ZBTB7C: variants seen among roughly 807,000 people sequenced by gnomAD.
ZBTB7C encodes the protein zinc finger and BTB domain containing 7C.
In ZBTB7C, 8 loss-of-function variants were observed where a neutral mutation model predicts 25.7. The observed-to-expected ratio is 0.31, with a 90% CI of 0.18 to 0.56. The LOEUF is 0.56. Among genes scored for constraint, ZBTB7C ranks in the 20% least tolerant of loss-of-function variants. The pLI is 0.91. For missense variants in ZBTB7C, 824 were observed against 855.2 expected (o/e 0.96, Z 0.46); for synonymous variants, 394 against 369.0 (o/e 1.07, Z -0.78).
At chr18:48,342,073 C>T (rs1199896199) in intron 1 of ZBTB7C, among the ~76,000 whole-genome samples, 1 of 152,186 alleles carries the variant, frequency 6.6e-6, no homozygotes, top group African/African-American at 2.4e-5. Flanking sequence ...AGCTGGGACC[C>T]CTCCCCCGAC....
At position 48,281,291 on chromosome 18, in the gene ZBTB7C, C is replaced by A. The variant is rs542183518; in HGVS notation, c.-79+56883G>T. 1.4e-3 allele frequency among the ~76,000 whole-genome samples: 206 copies of A among 152,200 alleles called. 2 individuals carry two copies. Among genetic ancestry groups the A allele is most frequent in the Non-Finnish European group, 1.6e-3 (108 of 68,006 alleles). ...GCTGAAACTGGATCCCTTCCTTAAA[C>A]CTCATACAAAAATTAATTCAAGATG... On this transcript the variant is annotated intron_variant, in intron 2 of 4. Coordinates refer to ENST00000590800, the MANE Select transcript of ZBTB7C (RefSeq NM_001318841.2).
At chr18:48,044,599 T>C (rs2036394134) in intron 3 of ZBTB7C, among the ~76,000 whole-genome samples, 2 of 152,242 alleles carry the variant, frequency 1.3e-5, no homozygotes, top group Admixed American at 1.3e-4. Flanking sequence ...TAGTTTTGGA[T>C]GCTCAGAGTC....
chr18:48,033,765 T>C (rs1477985371), intron 4 of ZBTB7C, among the ~76,000 whole-genome samples: 2 of 152,200 alleles, frequency 1.3e-5, no homozygotes, highest in Non-Finnish European at 2.9e-5. Flanking sequence ...AAAGAGGGAA[T>C]GGTGTTCTAG....
At position 48,027,260 on chromosome 18, in the gene ZBTB7C, C is replaced by G. The variant is rs892415430; in HGVS notation, c.*2000G>C. The G allele has an allele frequency of 2.0e-5, 3 of 152,008 alleles. No individual in the cohort carries two copies. Among genetic ancestry groups the G allele is most frequent in the African/African-American group, 7.3e-5 (3 of 41,374 alleles). 9.4% of individuals were successfully genotyped at this position (152,008 alleles called of 1,614,324 possible). A position where few individuals can be genotyped will look rare whatever the true frequency, so the allele number is the denominator to read the frequency against. ...TGCAGCCAAGAAAAAACAGAAAGAA[C>G]TAACCAGTCATCTGAAAAATTGAGT... On this transcript the variant is annotated 3_prime_UTR_variant, in exon 5 of 5. Transcript: ENST00000590800.
At chr18:48,338,921 G>T (rs920690595) in intron 1 of ZBTB7C, among the ~76,000 whole-genome samples, 53 of 151,878 alleles carry the variant, frequency 3.5e-4, no homozygotes, top group African/African-American at 1.2e-3. Context: ...TGGGGGGGGG[G>T]GGTCCAGGTA....
At chr18:48,184,961 A>C (rs2042021157) in intron 3 of ZBTB7C, among the ~76,000 whole-genome samples, 1 of 152,190 alleles carries the variant, frequency 6.6e-6, no homozygotes, top group South Asian at 2.1e-4. Context: ...TGAAAAATTC[A>C]TGCAGCCATT....
rs185727111 is a variant in ZBTB7C, at chr18:48,133,664, C to G, written c.-17+52270G>C. 2.0e-3 allele frequency among the ~76,000 whole-genome samples: 300 copies of G among 147,112 alleles called. 3 individuals are homozygous for G. Among genetic ancestry groups the G allele is most frequent in the African/African-American group, 6.0e-3 (240 of 39,820 alleles). On this transcript the variant is annotated intron_variant, in intron 3 of 4. Transcript: ENST00000590800. ...AAGTTAAAAATCAAACAAAAATTAA[C>G]AAGCACACACACACAAGATGGAAAA...
chr18:48,221,258 T>G (rs1476627978), intron 2 of ZBTB7C, among the ~76,000 whole-genome samples: 1 of 143,060 alleles, frequency 7.0e-6, no homozygotes, highest in African/African-American at 2.7e-5. Flanking sequence ...TCTATAATGT[T>G]CTAGACTCCC....
rs537486827 is a variant in ZBTB7C, at chr18:48,204,882, C to T, written c.-78-18887G>A. 3.5e-4 allele frequency among the ~76,000 whole-genome samples: 53 copies of T among 152,314 alleles called. 1 individual carries two copies. The highest frequency in any genetic ancestry group is 1.3e-3 in the African/African-American group (53 of 41,578). Reference sequence around the variant, plus strand: ...GTGTGTACATTTAGCCTGCTTTGGGCTTACTGGCAATTCTCATTTGGCTGC... The same window carrying T: ...GTGTGTACATTTAGCCTGCTTTGGGTTTACTGGCAATTCTCATTTGGCTGC... On this transcript the variant is annotated intron_variant, in intron 2 of 4. Transcript: ENST00000590800.
At position 48,279,667 on chromosome 18, in the gene ZBTB7C, C is replaced by T. The variant is rs373323091; in HGVS notation, c.-79+58507G>A. Among the ~76,000 whole-genome samples, 22 of 152,330 alleles carry T rather than the reference C, an allele frequency of 1.4e-4. No homozygotes were observed. In the East Asian group the frequency reaches 2.7e-3, roughly 19 times the overall value. On this transcript the variant is annotated intron_variant, in intron 2 of 4. Coordinates refer to ENST00000590800, the MANE Select transcript of ZBTB7C (RefSeq NM_001318841.2). Reference sequence around the variant, plus strand: ...GCTGATACTAAAATGAAGGCACCCCCAGTCTTAAGCCTCAGGCAGCTCCCC... The same window carrying T: ...GCTGATACTAAAATGAAGGCACCCCTAGTCTTAAGCCTCAGGCAGCTCCCC...
intron 4 of ZBTB7C, among the ~76,000 whole-genome samples, chr18:48,036,893 T>C (rs574194935): frequency 6.6e-6 from 1 of 152,318 alleles, no homozygotes; most frequent in East Asian, 1.9e-4. Flanking sequence ...AACCTCAACC[T>C]GGACAGACCA....
chr18:48,221,326 C>T (rs1446685363), intron 2 of ZBTB7C, among the ~76,000 whole-genome samples: 1 of 147,648 alleles, frequency 6.8e-6, no homozygotes, highest in Non-Finnish European at 1.5e-5. Context: ...CTGTCCTAGT[C>T]TCCTCTATGC....
chr18:48,158,279 G>C lies in ZBTB7C; in HGVS notation c.-17+27655C>G, dbSNP rs144530713. Among the ~76,000 whole-genome samples the C allele has an allele frequency of 1.9e-3, 288 of 152,302 alleles. 3 individuals carry two copies. Among genetic ancestry groups the C allele is most frequent in the African/African-American group, 6.6e-3 (274 of 41,562 alleles). Reference sequence around the variant, plus strand: ...GTGATTTGCTTTTGGGCAGGGCTGCGAAGATGTCAGGGAAACAAGTTACCT... The same window carrying C: ...GTGATTTGCTTTTGGGCAGGGCTGCCAAGATGTCAGGGAAACAAGTTACCT... On this transcript the variant is annotated intron_variant, in intron 3 of 4. Transcript: ENST00000590800.
intron 1 of ZBTB7C, among the ~76,000 whole-genome samples, chr18:48,342,889 T>A (rs1357231116): frequency 6.6e-6 from 1 of 152,086 alleles, no homozygotes; most frequent in Non-Finnish European, 1.5e-5. Flanking sequence ...CAAGCAGATA[T>A]AAAATAAGTT....
chr18:48,368,323 C>G (rs538111738), intron 1 of ZBTB7C, among the ~76,000 whole-genome samples: 1 of 150,014 alleles, frequency 6.7e-6, no homozygotes, highest in South Asian at 2.1e-4. Context: ...ACACAAAACT[C>G]AATGATGAGC....
At chr18:48,161,193 A>G (rs909845084) in intron 3 of ZBTB7C, among the ~76,000 whole-genome samples, 34 of 151,766 alleles carry the variant, frequency 2.2e-4, no homozygotes, top group Non-Finnish European at 4.3e-4. Context: ...GGGCTGACTC[A>G]AGGTCTCCTT....
intron 3 of ZBTB7C, among the ~76,000 whole-genome samples, chr18:48,123,012 T>C (rs955052893): frequency 1.3e-5 from 2 of 152,196 alleles, no homozygotes; most frequent in South Asian, 2.1e-4. Context: ...GAACTTGTCC[T>C]TGGGGCTCTG....
intron 3 of ZBTB7C, among the ~76,000 whole-genome samples, chr18:48,177,260 C>G (rs1235260844): frequency 6.6e-6 from 1 of 152,168 alleles, no homozygotes; most frequent in African/African-American, 2.4e-5. Flanking sequence ...GCCTCAGCTT[C>G]TAGAACTCAG....
intron 3 of ZBTB7C, among the ~76,000 whole-genome samples, chr18:48,135,555 T>G (rs1048228433): frequency 7.9e-5 from 12 of 152,172 alleles, no homozygotes; most frequent in Non-Finnish European, 1.3e-4. Flanking sequence ...TCTTTTTCTA[T>G]GCAGCCCAGG....
Sources: allele counts gnomAD v4.1 joint callset (sites outside exome capture counted in the v4.1 genomes callset), GRCh38; gene constraint gnomAD v4.1.1; transcripts MANE v1.5; gene names NCBI Gene and HGNC (gene_info 2026-07-23, HGNC 2026-07-21).